TAF2: variants seen among roughly 807,000 people sequenced by gnomAD.
TAF2 encodes transcription initiation factor TFIID subunit 2.
A neutral mutation model predicts 138.5 loss-of-function variants in TAF2; 61 were observed. The observed-to-expected ratio is 0.44, with a 90% CI of 0.36 to 0.54. The LOEUF (loss-of-function observed/expected upper bound fraction) is 0.54, where lower values mean the gene tolerates loss of function less well. Among genes scored for constraint, TAF2 ranks in the 20% least tolerant of loss-of-function variants. TAF2 has a pLI of 0.00. For missense variants in TAF2, 1,090 were observed against 1,427.9 expected, an observed-to-expected ratio of 0.76 and a Z score of 3.81; for synonymous variants, 475 against 469.9, an observed-to-expected ratio of 1.01 and a Z score of -0.14.
intron 19 of TAF2, among the ~76,000 whole-genome samples, chr8:119,760,998 T>G (rs1229223163): frequency 1.3e-5 from 2 of 152,212 alleles, no homozygotes; most frequent in Non-Finnish European, 2.9e-5. Flanking sequence ...TAGTGTAGTC[T>G]AAGTCCACAG....
intron 2 of TAF2, among the ~76,000 whole-genome samples, chr8:119,826,081 G>T (rs1826079664): frequency 6.6e-6 from 1 of 151,864 alleles, no homozygotes; most frequent in South Asian, 2.1e-4. Context: ...TGGACACAGG[G>T]AGGGGAACAT....
intron 4 of TAF2, among the ~76,000 whole-genome samples, chr8:119,805,157 A>G (rs919144570): frequency 6.6e-6 from 1 of 152,198 alleles, no homozygotes; most frequent in African/African-American, 2.4e-5. Flanking sequence ...CAATGGCTAA[A>G]ACTTTATACA....
intron 18 of TAF2, among the ~76,000 whole-genome samples, chr8:119,776,022 T>C (rs183038903): frequency 6.6e-6 from 1 of 151,600 alleles, no homozygotes; most frequent in Non-Finnish European, 1.5e-5. Flanking sequence ...AAAAAGCACA[T>C]GCTTCCTAAA....
At chr8:119,801,560 C>G (rs1021190632) in intron 6 of TAF2, among the ~76,000 whole-genome samples, 13 of 151,666 alleles carry the variant, frequency 8.6e-5, no homozygotes, top group Non-Finnish European at 1.8e-4. Context: ...TCCCGAGTAG[C>G]TGGGACTACA....
chr8:119,830,943 T>C (rs1484199594), intron 2 of TAF2, among the ~76,000 whole-genome samples: 1 of 152,018 alleles, frequency 6.6e-6, no homozygotes, highest in Admixed American at 6.6e-5. Flanking sequence ...TCTGACTCCA[T>C]TAAAAATACA....
At chr8:119,775,782 C>T (rs1024833485) in intron 18 of TAF2, among the ~76,000 whole-genome samples, 1 of 152,054 alleles carries the variant, frequency 6.6e-6, no homozygotes, top group African/African-American at 2.4e-5. Flanking sequence ...AAATTAACAA[C>T]TTTTAAGGGA....
chr8:119,777,782 T>A (rs1822359520), intron 18 of TAF2, among the ~76,000 whole-genome samples: 1 of 152,234 alleles, frequency 6.6e-6, no homozygotes, highest in Non-Finnish European at 1.5e-5. Context: ...TACAAGAGGT[T>A]TGAAGAACAT....
rs549029437 is a variant in TAF2 at position 119,778,425 on chromosome 8, A to G, written c.2254-296T>C. ...AATATATGTGATGTAAATTATATAA[A>G]TTCACTTCTATGTGATACAGTGGAA... On this transcript the variant is annotated intron_variant, in intron 17 of 25. Transcript: ENST00000378164. Among the ~76,000 whole-genome samples the G allele has an allele frequency of 1.1e-4, 17 of 152,324 alleles. No individual in the cohort carries two copies. In the South Asian group the frequency reaches 2.5e-3, roughly 22 times the overall value.
intron 22 of TAF2, among the ~76,000 whole-genome samples, chr8:119,747,988 G>A (rs1820097108): frequency 1.3e-5 from 2 of 152,262 alleles, no homozygotes; most frequent in East Asian, 1.9e-4. Context: ...GCTGGGTGTG[G>A]TGGTGCATGA....
At chr8:119,782,345 T>C (rs1172257974) in intron 16 of TAF2, among the ~76,000 whole-genome samples, 1 of 152,188 alleles carries the variant, frequency 6.6e-6, no homozygotes, top group African/African-American at 2.4e-5. Flanking sequence ...TTAAACAACA[T>C]ATTCTACAAT....
chr8:119,789,708 T>C lies in TAF2; in HGVS notation c.1452A>G (p.Ser484=). ...NKLLSLASTA[S]SQKFQSHMWS... Reference sequence around the variant, plus strand: ...ACATATGTGACTGGAACTTCTGAGATGAAGCAGTACTAGCCAGACTTAGCA... The same window carrying C: ...ACATATGTGACTGGAACTTCTGAGACGAAGCAGTACTAGCCAGACTTAGCA... Residue 484 remains serine, a synonymous_variant, in exon 12 of 26, where the codon TCA becomes TCG. Coordinates refer to ENST00000378164, the MANE Select transcript of TAF2 (RefSeq NM_003184.4). 1 of 1,613,906 alleles carries C rather than the reference T, an allele frequency of 6.2e-7. No individual in the cohort carries two copies. The highest frequency in any genetic ancestry group is 1.3e-5 in the African/African-American group (1 of 75,048).
At chr8:119,806,923 T>C (rs1449593864) in intron 3 of TAF2, among the ~76,000 whole-genome samples, 2 of 152,244 alleles carry the variant, frequency 1.3e-5, no homozygotes, top group Non-Finnish European at 2.9e-5. Context: ...ATATATATTC[T>C]ACTCACCAAG....
rs1823174685 is a variant in TAF2 at position 119,788,362 on chromosome 8, A to G, written c.1769T>C (p.Ile590Thr). The change falls in exon 14 of 26, where the codon ATA becomes ACA. Residue 590 changes from isoleucine to threonine, a missense_variant. Physicochemically the swap from Ile to Thr is moderately conservative, Grantham distance 89. Coordinates refer to ENST00000378164, the MANE Select transcript of TAF2 (RefSeq NM_003184.4). ...QIEENSLKHD[I>T]PCHSKSRRNK... ...CCTTCTACTTTTGGAATGGCAGGGTATATCATGTTTAAGGCTGTTTTCTTC... is the reference window on the plus strand; with the variant it reads ...CCTTCTACTTTTGGAATGGCAGGGTGTATCATGTTTAAGGCTGTTTTCTTC... 2 of 1,613,458 alleles carry G rather than the reference A, an allele frequency of 1.2e-6. No individual in the cohort carries two copies. The highest frequency in any genetic ancestry group is 1.7e-6 in the Non-Finnish European group (2 of 1,179,686).
chr8:119,741,655 T>G (rs1196852494), intron 25 of TAF2, among the ~76,000 whole-genome samples: 1 of 152,206 alleles, frequency 6.6e-6, no homozygotes, highest in Non-Finnish European at 1.5e-5. Context: ...AGTTAATTTA[T>G]AAGCTTCTCA....
At chr8:119,785,527 A>G (rs1217904686) in intron 14 of TAF2, among the ~76,000 whole-genome samples, 1 of 152,208 alleles carries the variant, frequency 6.6e-6, no homozygotes, top group Non-Finnish European at 1.5e-5. Context: ...TCAACCTAAA[A>G]CATATATTCC....
chr8:119,773,998 T>C (rs1040072105), intron 18 of TAF2, among the ~76,000 whole-genome samples: 1 of 151,560 alleles, frequency 6.6e-6, no homozygotes, highest in South Asian at 2.1e-4. Flanking sequence ...GGTGAAACCC[T>C]GTCTCTACTA....
intron 4 of TAF2, among the ~76,000 whole-genome samples, chr8:119,804,617 C>T (rs1824492077): frequency 6.6e-6 from 1 of 152,180 alleles, no homozygotes; most frequent in Non-Finnish European, 1.5e-5. Flanking sequence ...ACATGACTTG[C>T]TCTTCCTTGC....
intron 18 of TAF2, 77 bp downstream of exon 18, chr8:119,777,942 G>T: frequency 1.3e-6 from 1 of 745,426 alleles, no homozygotes; most frequent in South Asian, 1.7e-5. Context: ...AAATACCATT[G>T]GGTAGTTCTG....
intron 20 of TAF2, among the ~76,000 whole-genome samples, chr8:119,759,738 G>A (rs1163137192): frequency 6.6e-6 from 1 of 152,018 alleles, no homozygotes; most frequent in Non-Finnish European, 1.5e-5. Context: ...TTATCTTTGG[G>A]AGTTATGTTT....
Sources: allele counts gnomAD v4.1 joint callset (sites outside exome capture counted in the v4.1 genomes callset), GRCh38; gene constraint gnomAD v4.1.1; transcripts MANE v1.5; gene names NCBI Gene and HGNC (gene_info 2026-07-23, HGNC 2026-07-21).